The following USP5 variants were observed in gnomAD, a reference collection of about 807,000 sequenced individuals.
The protein encoded by USP5 is ubiquitin carboxyl-terminal hydrolase 5.
In USP5, 24 loss-of-function variants were observed where a neutral mutation model predicts 102.5. The ratio of observed to expected loss-of-function variants is 0.23; its 90% CI spans 0.17 to 0.33. The LOEUF is 0.33. Among genes scored for constraint, USP5 ranks in the 10% least tolerant of loss-of-function variants. The probability of loss-of-function intolerance (pLI) is 1.00; values close to 1 mark genes in which losing one functional copy is unlikely to be tolerated. For missense variants in USP5, 753 were observed against 1,122.1 expected (o/e 0.67, Z 4.70); for synonymous variants, 460 against 434.8 (o/e 1.06, Z -0.72).
In USP5 at chr12:6,863,715, A is replaced by G. The variant is rs1318141789; in HGVS notation, c.1955-115A>G. ...TGGTTTTGGGATAAGGTGCCAATCC[A>G]TGGGAGAAAAATGCATGGAATGGGT... On this transcript the variant is annotated intron_variant, in intron 15 of 19. Coordinates refer to ENST00000229268, the MANE Select transcript of USP5 (RefSeq NM_001098536.2). The surrounding 1 kb of genome is among the most constrained non-coding windows in gnomAD (Gnocchi z 4.7). 4 of 1,430,564 alleles carry G rather than the reference A, an allele frequency of 2.8e-6. No homozygotes were observed. The highest frequency in any genetic ancestry group is 4.8e-5 in the East Asian group (2 of 41,906). 88.6% of individuals were successfully genotyped at this position (1,430,564 alleles called of 1,614,324 possible).
intron 19 of USP5, among the ~76,000 whole-genome samples, chr12:6,865,759 G>A (rs781888910): frequency 6.6e-6 from 1 of 152,342 alleles, no homozygotes; most frequent in South Asian, 2.1e-4. Context: ...CCTGGAATGG[G>A]TGGAGGGTGG....
intron 7 of USP5, among the ~76,000 whole-genome samples, chr12:6,857,963 T>C (rs1370394502): frequency 1.3e-5 from 2 of 152,256 alleles, no homozygotes; most frequent in African/African-American, 2.4e-5. Context: ...AGTTCTACTC[T>C]AGAAGAAAAG....
chr12:6,863,958 C>T lies in USP5; in HGVS notation c.2083C>T (p.His695Tyr), dbSNP rs374165611. Residue 695 changes from histidine to tyrosine, a missense_variant, in exon 16 of 20, where the codon CAC (histidine) becomes TAC (tyrosine). This residue lies in a region of USP5 where 193 missense variants were observed against 230.2 expected (regional missense o/e 0.84). Coordinates refer to ENST00000229268, the MANE Select transcript of USP5 (RefSeq NM_001098536.2). This position sits in a 1 kb window ranked among gnomAD's most constrained non-coding sequence, Gnocchi z 4.7. ...AEAAMNWVMS[H>Y]MDDPDFANPL... ...GGCCGCCATGAACTGGGTCATGTCA[C>T]ACATGGATGATCCAGGTAGGCTGGG... 6.4e-5 allele frequency: 102 copies of T among 1,597,784 alleles called. No individual in the cohort carries two copies. The highest frequency in any genetic ancestry group is 8.3e-5 in the Non-Finnish European group (97 of 1,168,950).
At chr12:6,865,810 G>A (rs1038895498) in intron 19 of USP5, among the ~76,000 whole-genome samples, 174 bp from the exon 20 acceptor site, 5 of 152,202 alleles carry the variant, frequency 3.3e-5, no homozygotes, top group Admixed American at 6.5e-5. Flanking sequence ...AATAGGGTCC[G>A]TGACCCTTGT....
In USP5 at chr12:6,853,343, G is replaced by A. The variant is rs782345305; in HGVS notation, c.111+1053G>A. Among the ~76,000 whole-genome samples, 85 of 152,328 alleles carry A rather than the reference G, an allele frequency of 5.6e-4. No individual in the cohort carries two copies. The South Asian group carries it at 9.1e-3, about 16-fold the overall frequency. ...CAGCATGATGTGAGGCCCAGTTCAG[G>A]ATCATCACTGTGATTTGTGGTTTGC... On this transcript the variant is annotated intron_variant, in intron 1 of 19. Transcript: ENST00000229268.
In USP5 at chr12:6,863,145, G is replaced by A. The variant is rs781862376; in HGVS notation, c.1763-41G>A. The A allele has an allele frequency of 6.4e-7, 1 of 1,564,404 alleles. No individual in the cohort carries two copies. The highest frequency in any genetic ancestry group is 1.9e-5 in the Admixed American group (1 of 53,544). On this transcript the variant is annotated intron_variant, in intron 14 of 19. Transcript: ENST00000229268. The surrounding 1 kb of genome is among the most constrained non-coding windows in gnomAD (Gnocchi z 4.7). The stretch of plus-strand genomic sequence containing the variant: ...TTGAGGTTCCCGAATCACTTTCCAG[G>A]TAGGCCTCCGGGAGCTGCTGAGGTG...
Position 6,865,114 on chromosome 12 carries a change from C to G in USP5, c.2399-50C>G, listed in dbSNP as rs1479235100. 4.0e-6 allele frequency: 6 copies of G among 1,518,924 alleles called. No homozygotes were observed. In the East Asian group the frequency reaches 1.1e-4, roughly 29 times the overall value. 94.1% of individuals were successfully genotyped at this position (1,518,924 alleles called of 1,614,324 possible). A position where few individuals can be genotyped will look rare whatever the true frequency, so the allele number is the denominator to read the frequency against. Reference sequence around the variant, plus strand: ...TTGTCTGGATCTTTGGGCCATCACTCAAGCATTCCTCTTCTGTTTCCTTCT... The same window carrying G: ...TTGTCTGGATCTTTGGGCCATCACTGAAGCATTCCTCTTCTGTTTCCTTCT... On this transcript the variant is annotated intron_variant, in intron 18 of 19. Transcript: ENST00000229268.
intron 8 of USP5, among the ~76,000 whole-genome samples, chr12:6,859,053 T>A (rs782100478): frequency 6.6e-6 from 1 of 152,034 alleles, no homozygotes; most frequent in South Asian, 2.1e-4. Flanking sequence ...TGACATCAGA[T>A]GAGCACCTAA....
At position 6,864,904 on chromosome 12, in the gene USP5, C is replaced by G; in HGVS notation, c.2398+29C>G. 1 of 1,604,828 alleles carries G rather than the reference C, an allele frequency of 6.2e-7. No individual in the cohort carries two copies. On this transcript the variant is annotated intron_variant, in intron 18 of 19. Coordinates refer to ENST00000229268, the MANE Select transcript of USP5 (RefSeq NM_001098536.2). This position sits in a 1 kb window ranked among gnomAD's most constrained non-coding sequence, Gnocchi z 4.8. Reference sequence around the variant, plus strand: ...AGTATCCCCAGGAAGCAGGACAGGCCTGGTGGAATCTGGTCAGTCTACTAC... The same window carrying G: ...AGTATCCCCAGGAAGCAGGACAGGCGTGGTGGAATCTGGTCAGTCTACTAC...
rs1944132887 is a variant in USP5 at position 6,856,931 on chromosome 12, A to G, written c.769+40A>G. 2 of 1,595,504 alleles carry G rather than the reference A, an allele frequency of 1.3e-6. No homozygotes were observed. The highest frequency in any genetic ancestry group is 2.2e-5 in the South Asian group (2 of 90,258). On this transcript the variant is annotated intron_variant, in intron 6 of 19. Transcript: ENST00000229268. The surrounding 1 kb of genome is among the most constrained non-coding windows in gnomAD (Gnocchi z 5.6). ...CCTCCAGCCACTCTCATGCTTAAAT[A>G]TATTTCATTTGTTAGTAATTTCGTG... is the stretch of plus-strand genomic sequence containing the variant.
chr12:6,857,604 ATTCTCTT>A lies in USP5; in HGVS notation c.770-24_770-18del, dbSNP rs782080068. 5 of 1,607,426 alleles carry A rather than the reference ATTCTCTT, an allele frequency of 3.1e-6. No individual in the cohort carries two copies. The East Asian group carries it at 1.1e-4, about 36-fold the overall frequency. ...GGCTAGTCCTGAGCCACTTCCCCTG[ATTCTCTT>A]CCTGCCTCCTGCTCTAGACGTGTAC... On this transcript the variant is annotated intron_variant, in intron 6 of 19. Coordinates refer to ENST00000229268, the MANE Select transcript of USP5 (RefSeq NM_001098536.2).
In USP5 at chr12:6,861,492, G is replaced by A; in HGVS notation, c.1548G>A (p.Lys516=). The A allele has an allele frequency of 6.3e-7, 1 of 1,598,098 alleles. No homozygotes were observed. Among genetic ancestry groups the A allele is most frequent in the Non-Finnish European group, 8.6e-7 (1 of 1,167,674 alleles). ...EEKKRQAEEE[K]MALPELVRAQ... ...AGAAGCGGCAAGCCGAAGAGGAGAA[G>A]ATGGCACTGCCAGAACTGGTTCGGG... is the stretch of plus-strand genomic sequence containing the variant. The change falls in exon 13 of 20, where the codon AAG becomes AAA. Residue 516 remains lysine (K), a synonymous_variant. Transcript: ENST00000229268. The surrounding 1 kb of genome is among the most constrained non-coding windows in gnomAD (Gnocchi z 4.9).
Position 6,860,905 on chromosome 12 carries a change from T to C in USP5, c.1345-48T>C. On this transcript the variant is annotated intron_variant, in intron 11 of 19. Coordinates refer to ENST00000229268, the MANE Select transcript of USP5 (RefSeq NM_001098536.2). This position sits in a 1 kb window ranked among gnomAD's most constrained non-coding sequence, Gnocchi z 5.5. ...CTCCCATGAACCTTTCAGGCCCCAT[T>C]CTGTTCCCTGGCTGCCCAGACCTCC... 6.2e-7 allele frequency: 1 copy of C among 1,609,634 alleles called. No homozygotes were observed. The highest frequency in any genetic ancestry group is 1.1e-5 in the South Asian group (1 of 90,734).
chr12:6,861,706 C>G lies in USP5; in HGVS notation c.1673+89C>G. 7.5e-7 allele frequency: 1 copy of G among 1,334,570 alleles called. No individual in the cohort carries two copies. The highest frequency in any genetic ancestry group is 9.7e-7 in the Non-Finnish European group (1 of 1,031,650). 82.7% of individuals were successfully genotyped at this position (1,334,570 alleles called of 1,614,324 possible). A position where few individuals can be genotyped will look rare whatever the true frequency, so the allele number is the denominator to read the frequency against. The stretch of plus-strand genomic sequence containing the variant: ...CTGTCTCTTCCCTGTTCTTTCATCC[C>G]TTTGTGGTTGGAACCTCAGGGTTGA... On this transcript the variant is annotated intron_variant, in intron 13 of 19. Coordinates refer to ENST00000229268, the MANE Select transcript of USP5 (RefSeq NM_001098536.2). This position sits in a 1 kb window ranked among gnomAD's most constrained non-coding sequence, Gnocchi z 4.9.
At position 6,866,395 on chromosome 12, in the gene USP5, A is replaced by T; in HGVS notation, c.*318A>T. 3.0e-6 allele frequency: 1 copy of T among 336,750 alleles called. No homozygotes were observed. The highest frequency in any genetic ancestry group is 5.6e-6 in the Non-Finnish European group (1 of 178,096). The allele number at this position is 336,750 out of a possible 1,614,324, so 20.9% of individuals were successfully genotyped here. On this transcript the variant is annotated 3_prime_UTR_variant, in exon 20 of 20. Transcript: ENST00000229268. This position sits in a 1 kb window ranked among gnomAD's most constrained non-coding sequence, Gnocchi z 4.7. The stretch of plus-strand genomic sequence containing the variant: ...CCGCCCAGCCCCCTGGTGTGGAGGG[A>T]GGGGTCTCGTTTGTGCGCGTGGGTG...
At chr12:6,865,947 G>C (rs782819118) in intron 19 of USP5, 37 bp from the exon 20 acceptor site, 9 of 1,586,944 alleles carry the variant, frequency 5.7e-6, no homozygotes, top group Non-Finnish European at 7.8e-6. Flanking sequence ...TGAATGCCCA[G>C]TTTGTTCATC....
In USP5 at chr12:6,864,507, G is replaced by A. The variant is rs1381465943; in HGVS notation, c.2245-215G>A. Among the ~76,000 whole-genome samples the A allele has an allele frequency of 1.3e-5, 2 of 152,206 alleles. No individual in the cohort carries two copies. The highest frequency in any genetic ancestry group is 2.1e-4 in the South Asian group (1 of 4,830). The stretch of plus-strand genomic sequence containing the variant: ...GATCAAGACCATCCTGGCTAACACG[G>A]TGAAACCCCGTCTCTACGAAAAATA... On this transcript the variant is annotated intron_variant, in intron 17 of 19. Transcript: ENST00000229268. This position sits in a 1 kb window ranked among gnomAD's most constrained non-coding sequence, Gnocchi z 4.8.
intron 19 of USP5, 149 bp downstream of exon 19, chr12:6,865,397 C>A: frequency 1.4e-6 from 1 of 691,290 alleles, no homozygotes; most frequent in Non-Finnish European, 2.4e-6. Context: ...GGTCTTGCAG[C>A]AGTGATTGGC....
In USP5 at chr12:6,858,839, C is replaced by T. The variant is rs144110837; in HGVS notation, c.1058+222C>T. On this transcript the variant is annotated intron_variant, in intron 8 of 19. Transcript: ENST00000229268. The surrounding 1 kb of genome is among the most constrained non-coding windows in gnomAD (Gnocchi z 4.2). ...GTTGAGACCAGCCTGGGCAACATAG[C>T]GAGACCCTGTCTTCTCTTAAAAAAA... 5,091 of 439,828 alleles carry T rather than the reference C, an allele frequency of 0.012. 46 individuals carry two copies. Among genetic ancestry groups the T allele is most frequent in the Middle Eastern group, 0.032 (54 of 1,672 alleles). 27.2% of individuals were successfully genotyped at this position (439,828 alleles called of 1,614,324 possible). A position where few individuals can be genotyped will look rare whatever the true frequency, so the allele number is the denominator to read the frequency against.
Sources: allele counts gnomAD v4.1 joint callset (sites outside exome capture counted in the v4.1 genomes callset), GRCh38; gene constraint gnomAD v4.1.1; regional missense constraint gnomAD v4.1.1; non-coding constraint Gnocchi (gnomAD v3.1); transcripts MANE v1.5; gene names NCBI Gene and HGNC (gene_info 2026-07-23, HGNC 2026-07-21).